The following JAZF1 variants were observed in gnomAD, a reference collection of about 807,000 sequenced individuals.
The protein encoded by JAZF1 is JAZF zinc finger 1, also known as juxtaposed with another zinc finger protein 1.
Under a neutral mutation model 26.4 loss-of-function variants are expected in JAZF1, and 8 were observed. The observed-to-expected ratio is 0.30, with a 90% confidence interval of 0.18 to 0.55. The LOEUF is 0.55. Ranked by LOEUF, JAZF1 falls within the 20% of genes least tolerant of loss-of-function variation. JAZF1 has a pLI of 0.94. For missense variants in JAZF1, 199 were observed against 322.0 expected, an observed-to-expected ratio of 0.62 and a Z score of 2.92; for synonymous variants, 126 against 122.3, an observed-to-expected ratio of 1.03 and a Z score of -0.20.
At chr7:27,976,779 A>G (rs1785481688) in intron 2 of JAZF1, among the ~76,000 whole-genome samples, 1 of 152,218 alleles carries the variant, frequency 6.6e-6, no homozygotes, top group Admixed American at 6.5e-5. Flanking sequence ...ATAGAAGGCC[A>G]GTACACACTC....
intron 2 of JAZF1, among the ~76,000 whole-genome samples, chr7:27,965,142 A>C (rs1725523617): frequency 6.6e-6 from 1 of 152,174 alleles, no homozygotes; most frequent in Non-Finnish European, 1.5e-5. Context: ...TTCAGCATAA[A>C]ATCTAAGCAA....
chr7:28,027,441 C>T (rs1201095587), intron 1 of JAZF1, among the ~76,000 whole-genome samples: 1 of 152,106 alleles, frequency 6.6e-6, no homozygotes, highest in Non-Finnish European at 1.5e-5. Context: ...TTTAAAATGT[C>T]TTTCATTGGC....
chr7:27,976,328 G>C (rs1346729419), intron 2 of JAZF1, among the ~76,000 whole-genome samples: 2 of 114,340 alleles, frequency 1.7e-5, no homozygotes, highest in African/African-American at 6.9e-5. Context: ...CTGGGCAACA[G>C]AGCCAGACTC....
chr7:28,120,521 T>TTTTTTG, intron 1 of JAZF1, among the ~76,000 whole-genome samples: 1 of 99,466 alleles, frequency 1.0e-5, no homozygotes, highest in African/African-American at 4.8e-5. Flanking sequence ...TTTTTTTTTT[T>TTTTTTG]TTTTTGAGAC....
At chr7:28,094,836 C>G (rs890624671) in intron 1 of JAZF1, among the ~76,000 whole-genome samples, 1 of 152,156 alleles carries the variant, frequency 6.6e-6, no homozygotes, top group African/African-American at 2.4e-5. Flanking sequence ...TGCGCCTGCT[C>G]ATGATGTTTT....
intron 1 of JAZF1, among the ~76,000 whole-genome samples, chr7:28,079,238 C>T (rs1018390920): frequency 6.6e-6 from 1 of 152,142 alleles, no homozygotes; most frequent in African/African-American, 2.4e-5. Flanking sequence ...GGTGATCCGC[C>T]TGCTTGGGCC....
chr7:28,028,569 C>T (rs1783131234), intron 1 of JAZF1, among the ~76,000 whole-genome samples: 1 of 152,154 alleles, frequency 6.6e-6, no homozygotes, highest in Non-Finnish European at 1.5e-5. Context: ...AACCATCCAC[C>T]CCAGGAATGT....
chr7:28,020,885 C>G (rs1782995625), intron 1 of JAZF1: 2 of 349,212 alleles, frequency 5.7e-6, no homozygotes, highest in Admixed American at 3.8e-5. Flanking sequence ...AACCGAACCA[C>G]TCCCTCATGA....
intron 1 of JAZF1, among the ~76,000 whole-genome samples, chr7:28,099,102 T>C (rs1784428254): frequency 1.3e-5 from 2 of 152,222 alleles, no homozygotes; most frequent in African/African-American, 4.8e-5. Context: ...TGTTAGCCAA[T>C]GTGACTTAGA....
intron 2 of JAZF1, among the ~76,000 whole-genome samples, chr7:27,922,799 T>C (rs1398049648): frequency 6.6e-6 from 1 of 152,194 alleles, no homozygotes; most frequent in Admixed American, 6.5e-5. Context: ...CACCCAGAGA[T>C]ACATGCTTCT....
chr7:28,020,349 T>C (rs1562561335), intron 1 of JAZF1, among the ~76,000 whole-genome samples: 1 of 152,094 alleles, frequency 6.6e-6, no homozygotes. Flanking sequence ...AGCCTTCTGA[T>C]GAGGTGTGAG....
At chr7:27,992,374 G>A (rs1004913877) in intron 1 of JAZF1, 3 of 337,438 alleles carry the variant, frequency 8.9e-6, no homozygotes, top group East Asian at 8.9e-5. Context: ...CCATTGGAAA[G>A]CTCCATCAAT....
At chr7:28,053,666 G>A (rs1019061058) in intron 1 of JAZF1, among the ~76,000 whole-genome samples, 3 of 152,170 alleles carry the variant, frequency 2.0e-5, no homozygotes, top group Non-Finnish European at 4.4e-5. Context: ...AATATGTTGT[G>A]ATCCCAATGA....
intron 1 of JAZF1, among the ~76,000 whole-genome samples, chr7:28,096,248 G>C (rs11764569): frequency 0.13 from 19,819 of 152,238 alleles, 1,533 homozygotes; most frequent in South Asian, 0.26. Flanking sequence ...CAGTGGTTAG[G>C]GTTGTCCGAG....
At position 27,864,522 on chromosome 7, in the gene JAZF1, G is replaced by GC. The variant is rs1382703566; in HGVS notation, c.386-23656dup. ...GGGTTTGCCCGGCTCAGAGCCTACT[G>GC]CCCCCCTAGCAGGAGTCCTCTCCCT... On this transcript the variant is annotated intron_variant, in intron 3 of 4. Coordinates refer to ENST00000283928, the MANE Select transcript of JAZF1 (RefSeq NM_175061.4). Among the ~76,000 whole-genome samples the GC allele has an allele frequency of 9.2e-5, 14 of 152,150 alleles. No homozygotes were observed. In the East Asian group the frequency reaches 2.1e-3, roughly 23 times the overall value.
At chr7:27,978,229 G>A (rs1023983315) in intron 2 of JAZF1, among the ~76,000 whole-genome samples, 2 of 152,168 alleles carry the variant, frequency 1.3e-5, no homozygotes, top group African/African-American at 4.8e-5. Context: ...ATATATGACA[G>A]ACACTGTTCT....
At chr7:27,923,447 G>A (rs1287788669) in intron 2 of JAZF1, among the ~76,000 whole-genome samples, 2 of 152,206 alleles carry the variant, frequency 1.3e-5, no homozygotes, top group Admixed American at 6.5e-5. Flanking sequence ...ACTTTGCAGA[G>A]TTGAATGTCA....
chr7:27,989,359 C>T (rs966746328), intron 2 of JAZF1, among the ~76,000 whole-genome samples: 8 of 152,180 alleles, frequency 5.3e-5, no homozygotes, highest in Admixed American at 1.3e-4. Flanking sequence ...TAGGCAATAG[C>T]ATTCAGGCCA....
At chr7:27,898,309 C>T (rs1379451028) in intron 2 of JAZF1, among the ~76,000 whole-genome samples, 5 of 13,756 alleles carry the variant, frequency 3.6e-4, no homozygotes, top group African/African-American at 6.3e-4. Flanking sequence ...ATATATACAT[C>T]GGTTTTTTTT....
Sources: gnomAD v4.1 joint callset for allele counts (sites outside exome capture counted in the v4.1 genomes callset) on GRCh38, gnomAD v4.1.1 for gene constraint, MANE v1.5 for transcripts, NCBI Gene and HGNC (gene_info 2026-07-23, HGNC 2026-07-21) for gene names.